ARHGEF12: variants seen among roughly 807,000 people sequenced by gnomAD.
The protein encoded by ARHGEF12 is KMT2A/ARHGEF12 fusion protein.
In ARHGEF12, 66 loss-of-function variants were observed where a neutral mutation model predicts 211.2. That is an observed-to-expected ratio of 0.31 (90% CI 0.26 to 0.38). The LOEUF is 0.38. Among genes scored for constraint, ARHGEF12 ranks in the 10% least tolerant of loss-of-function variants. The probability of loss-of-function intolerance (pLI) is 1.00; values close to 1 mark genes in which losing one functional copy is unlikely to be tolerated. For missense variants in ARHGEF12, 1,429 were observed against 1,869.5 expected (o/e 0.76, Z 4.34); for synonymous variants, 592 against 638.4 (o/e 0.93, Z 1.09).
At position 120,431,755 on chromosome 11, in the gene ARHGEF12, C is replaced by G; in HGVS notation, c.784-16C>G. 1 of 1,557,750 alleles carries G rather than the reference C, an allele frequency of 6.4e-7. No homozygotes were observed. On this transcript the variant is annotated splice_polypyrimidine_tract_variant and intron_variant, in intron 10 of 40. Transcript: ENST00000397843. ...TATGTGTTTGTGTGCGCGTGTTTTT[C>G]TTTCATCTGTTTTAGGATGGAGCTG...
At chr11:120,473,894 T>C (rs974689599) in intron 31 of ARHGEF12, among the ~76,000 whole-genome samples, 4 of 152,240 alleles carry the variant, frequency 2.6e-5, no homozygotes, top group Non-Finnish European at 4.4e-5. Flanking sequence ...GGATTTTAAG[T>C]GTTTTTGTAC....
intron 1 of ARHGEF12, among the ~76,000 whole-genome samples, chr11:120,373,969 G>A (rs1347256151): frequency 2.6e-5 from 4 of 152,032 alleles, no homozygotes; most frequent in Admixed American, 6.6e-5. Context: ...CACCACGCCC[G>A]GCTAATTTTG....
At chr11:120,340,315 T>C (rs916830770) in intron 1 of ARHGEF12, among the ~76,000 whole-genome samples, 13 of 152,188 alleles carry the variant, frequency 8.5e-5, no homozygotes, top group South Asian at 2.1e-4. Flanking sequence ...GTCTATAACA[T>C]TGAATTTTCA....
chr11:120,486,752 CT>C lies in ARHGEF12; in HGVS notation c.*1679del. On this transcript the variant is annotated 3_prime_UTR_variant, in exon 41 of 41. Coordinates refer to ENST00000397843, the MANE Select transcript of ARHGEF12 (RefSeq NM_015313.3). Reference sequence around the variant, plus strand: ...ACAAATGGTAAGGGATGCCCACCTACTTTTATAAACACCACTGCAACTTAAC... The same window carrying C: ...ACAAATGGTAAGGGATGCCCACCTACTTTATAAACACCACTGCAACTTAAC... The C allele has an allele frequency of 4.6e-6, 1 of 219,732 alleles. No individual in the cohort carries two copies. The allele number at this position is 219,732 out of a possible 1,614,324, so 13.6% of individuals were successfully genotyped here.
chr11:120,410,156 A>G (rs1944837580), intron 4 of ARHGEF12: 1 of 152,152 alleles, frequency 6.6e-6, no homozygotes, highest in Non-Finnish European at 1.5e-5. Context: ...TGAAATGCTA[A>G]TATTTCTAGA....
chr11:120,371,293 A>G (rs1351595896), intron 1 of ARHGEF12, among the ~76,000 whole-genome samples: 1 of 152,218 alleles, frequency 6.6e-6, no homozygotes, highest in East Asian at 1.9e-4. Context: ...GTTTGAGACC[A>G]GCCTGACCAA....
intron 1 of ARHGEF12, among the ~76,000 whole-genome samples, chr11:120,387,633 C>A (rs1264749192): frequency 6.6e-6 from 1 of 152,034 alleles, no homozygotes; most frequent in Non-Finnish European, 1.5e-5. Context: ...TGCTGGAATT[C>A]CCCCATACAA....
intron 33 of ARHGEF12, chr11:120,476,311 G>C (rs551232534): frequency 6.0e-6 from 1 of 166,198 alleles, no homozygotes; most frequent in Non-Finnish European, 1.3e-5. Context: ...AGCTCCAAGC[G>C]GTCCACCTGC....
intron 8 of ARHGEF12, 115 bp from the exon 9 acceptor site, chr11:120,429,325 A>T: frequency 1.4e-6 from 1 of 718,652 alleles, no homozygotes. Context: ...AAAACCTAAT[A>T]GGTATTGATA....
At chr11:120,413,674 A>G (rs1219783142) in intron 4 of ARHGEF12, among the ~76,000 whole-genome samples, 1 of 152,172 alleles carries the variant, frequency 6.6e-6, no homozygotes, top group Non-Finnish European at 1.5e-5. Flanking sequence ...TTCTTAATCA[A>G]AGGATTATCT....
intron 1 of ARHGEF12, among the ~76,000 whole-genome samples, chr11:120,382,187 C>T (rs993612635): frequency 1.3e-5 from 2 of 152,116 alleles, no homozygotes; most frequent in Non-Finnish European, 2.9e-5. Flanking sequence ...TTTTCAAGTC[C>T]CTTGTGTAAA....
chr11:120,480,540 T>G, intron 38 of ARHGEF12, 110 bp downstream of exon 38: 1 of 1,024,672 alleles, frequency 9.8e-7, no homozygotes, highest in Non-Finnish European at 1.4e-6. Flanking sequence ...TGTGTGTGTG[T>G]TCACACATGT....
chr11:120,411,197 C>G (rs1440964842), intron 4 of ARHGEF12: 2 of 151,998 alleles, frequency 1.3e-5, no homozygotes, highest in East Asian at 3.9e-4. Flanking sequence ...TTTTGAGAAC[C>G]CTTGAAATAC....
At chr11:120,348,284 A>T (rs1942828603) in intron 1 of ARHGEF12, among the ~76,000 whole-genome samples, 1 of 152,192 alleles carries the variant, frequency 6.6e-6, no homozygotes, top group Admixed American at 6.5e-5. Flanking sequence ...AATAAATAAA[A>T]ATTTGCCCAA....
At chr11:120,419,135 T>C (rs1290268872) in intron 4 of ARHGEF12, among the ~76,000 whole-genome samples, 3 of 152,044 alleles carry the variant, frequency 2.0e-5, no homozygotes, top group African/African-American at 7.2e-5. Context: ...AATTTTTTTG[T>C]ATTTTTAGTA....
At chr11:120,389,592 T>C (rs1349383812) in intron 1 of ARHGEF12, among the ~76,000 whole-genome samples, 1 of 152,216 alleles carries the variant, frequency 6.6e-6, no homozygotes, top group Non-Finnish European at 1.5e-5. Flanking sequence ...CAAGCATTTA[T>C]CTTTTGTGTT....
intron 32 of ARHGEF12, among the ~76,000 whole-genome samples, chr11:120,474,945 AC>A (rs1337702480): frequency 2.0e-5 from 3 of 152,110 alleles, no homozygotes; most frequent in Non-Finnish European, 2.9e-5. Flanking sequence ...GTGATGAGGA[AC>A]CGTTTTTGTT....
intron 4 of ARHGEF12, 134 bp downstream of exon 4, chr11:120,409,584 A>T (rs1365520628): frequency 3.5e-6 from 3 of 860,964 alleles, no homozygotes; most frequent in African/African-American, 3.4e-5. Flanking sequence ...GCATGGCATG[A>T]TCTACTGCAG....
chr11:120,475,311 ACCATTTTT>A (rs781418711), intron 32 of ARHGEF12, 21 bp from the exon 33 acceptor site: 1 of 1,601,862 alleles, frequency 6.2e-7, no homozygotes, highest in Non-Finnish European at 8.5e-7. Context: ...TTCTGTACTT[ACCATTTTT>A]TTCTGCACTT....
Sources: gnomAD v4.1 joint callset for allele counts (sites outside exome capture counted in the v4.1 genomes callset) on GRCh38, gnomAD v4.1.1 for gene constraint, MANE v1.5 for transcripts, NCBI Gene and HGNC (gene_info 2026-07-23, HGNC 2026-07-21) for gene names.